Variants in NHSL1 observed in about 807,000 individuals in gnomAD.
The protein encoded by NHSL1 is NHS like 1.
NHSL1 carries 48 observed loss-of-function variants against 95.0 expected under a neutral mutation model. The observed-to-expected ratio is 0.51, with a 90% confidence interval of 0.40 to 0.64. The LOEUF (loss-of-function observed/expected upper bound fraction) is 0.64. NHSL1 is among the 30% of genes least tolerant of loss of function. NHSL1 has a pLI of 0.00. For missense variants in NHSL1, 1,971 were observed against 2,077.7 expected (o/e 0.95, Z 1.00); for synonymous variants, 783 against 833.9 (o/e 0.94, Z 1.05).
intron 1 of NHSL1, among the ~76,000 whole-genome samples, chr6:138,653,605 T>C (rs1402673869): frequency 6.6e-6 from 1 of 152,182 alleles, no homozygotes; most frequent in Non-Finnish European, 1.5e-5. Flanking sequence ...AGTATTGTTA[T>C]GATTGGCAAC....
intron 1 of NHSL1, among the ~76,000 whole-genome samples, chr6:138,538,139 G>A (rs901379849): frequency 2.6e-5 from 4 of 152,044 alleles, no homozygotes; most frequent in Non-Finnish European, 5.9e-5. Context: ...TAAAATACTG[G>A]GTATTCTGTT....
At chr6:138,518,436 G>A (rs1583344165) in intron 1 of NHSL1, among the ~76,000 whole-genome samples, 1 of 139,670 alleles carries the variant, frequency 7.2e-6, no homozygotes. Context: ...CATTATATAA[G>A]AAAAATAATA....
At chr6:138,645,689 G>T (rs1435142438) in intron 1 of NHSL1, among the ~76,000 whole-genome samples, 2 of 151,824 alleles carry the variant, frequency 1.3e-5, no homozygotes, top group East Asian at 3.9e-4. Context: ...TGTATTTTTA[G>T]TAGAGATGGG....
chr6:138,608,428 G>A (rs1583446720), intron 1 of NHSL1, among the ~76,000 whole-genome samples: 1 of 152,154 alleles, frequency 6.6e-6, no homozygotes, highest in East Asian at 1.9e-4. Context: ...CTATGTCCAA[G>A]TCAGTTGAAA....
chr6:138,560,044 G>T (rs762409363), intron 1 of NHSL1, among the ~76,000 whole-genome samples: 2 of 152,202 alleles, frequency 1.3e-5, no homozygotes, highest in Non-Finnish European at 2.9e-5. Context: ...TCCTGTAGGA[G>T]ATTATTTCCC....
At position 138,422,454 on chromosome 6, in the gene NHSL1, A is replaced by T. The variant is rs1226766976; in HGVS notation, c.*1627T>A. On this transcript the variant is annotated 3_prime_UTR_variant, in exon 8 of 8. Coordinates refer to ENST00000343505, the MANE Select transcript of NHSL1 (RefSeq NM_001144060.2). ...GTTTTAGTTTATAAGTCTCATAATGATTTGACCCATGCAGTCCAACTTTTA... is the reference window on the plus strand; with the variant it reads ...GTTTTAGTTTATAAGTCTCATAATGTTTTGACCCATGCAGTCCAACTTTTA... The T allele has an allele frequency of 2.6e-5, 4 of 152,220 alleles. No homozygotes were observed. The highest frequency in any genetic ancestry group is 2.6e-4 in the Admixed American group (4 of 15,288). The allele number at this position is 152,220 out of a possible 1,614,324, so 9.4% of individuals were successfully genotyped here.
chr6:138,688,574 C>G (rs1014358754), intron 1 of NHSL1, among the ~76,000 whole-genome samples: 1 of 152,046 alleles, frequency 6.6e-6, no homozygotes, highest in African/African-American at 2.4e-5. Flanking sequence ...ACCCGGGAGG[C>G]AGAGGTTGCA....
rs952701193 is a variant in NHSL1, at chr6:138,431,409, A to C, written c.2936T>G (p.Leu979Arg). 1.3e-6 allele frequency: 2 copies of C among 1,550,286 alleles called. No homozygotes were observed. The highest frequency in any genetic ancestry group is 2.7e-5 in the African/African-American group (2 of 72,906). ...ATCAGGTGGGGAGCAGAAAGGAATG[A>C]GAGCTTCTGGCGGCGGAGGGGGGAA... ...PVFPPPPPEA[L>R]IPFCSPPDWC... Residue 979 changes from leucine to arginine, a missense_variant, in exon 6 of 8, where the codon CTC becomes CGC. Transcript: ENST00000343505. The surrounding 1 kb of genome is among the most constrained non-coding windows in gnomAD (Gnocchi z 4.0).
In NHSL1 at chr6:138,489,827, AGAGAGAGAGAGAGAGAGGGAGAGAGG is replaced by A. The variant is rs1779933324; in HGVS notation, c.211+6366_211+6391del. On this transcript the variant is annotated intron_variant, in intron 2 of 7. Coordinates refer to ENST00000343505, the MANE Select transcript of NHSL1 (RefSeq NM_001144060.2). ...GAGAGAGGGAGAGAGGGAGAGAGGG[AGAGAGAGAGAGAGAGAGGGAGAGAGG>A]GAGAGAGAGAGAGAGAGAGGGAGAG... Among the ~76,000 whole-genome samples, 22 of 79,682 alleles carry A rather than the reference AGAGAGAGAGAGAGAGAGGGAGAGAGG, an allele frequency of 2.8e-4. 1 individual carries two copies. Among genetic ancestry groups the A allele is most frequent in the African/African-American group, 9.7e-4 (18 of 18,600 alleles). 52.3% of individuals were successfully genotyped at this position (79,682 alleles called of 152,430 possible).
At chr6:138,488,861 G>T (rs115226068) in intron 2 of NHSL1, among the ~76,000 whole-genome samples, 31 of 152,282 alleles carry the variant, frequency 2.0e-4, no homozygotes, top group African/African-American at 6.3e-4. Flanking sequence ...GCCAGCATGC[G>T]TGAGCACCAG....
chr6:138,651,303 A>C (rs1785090326), intron 1 of NHSL1, among the ~76,000 whole-genome samples: 1 of 152,224 alleles, frequency 6.6e-6, no homozygotes, highest in African/African-American at 2.4e-5. Flanking sequence ...AAAGAAACTC[A>C]CAAAATAAAT....
intron 1 of NHSL1, among the ~76,000 whole-genome samples, chr6:138,523,765 T>C (rs1287724327): frequency 4.6e-5 from 7 of 152,076 alleles, no homozygotes; most frequent in Non-Finnish European, 7.4e-5. Context: ...AGATGAGTCA[T>C]TTGGGATGTG....
Position 138,423,109 on chromosome 6 carries a change from A to AC in NHSL1, c.*971_*972insG, listed in dbSNP as rs1240558201. 2 of 151,696 alleles carry AC rather than the reference A, an allele frequency of 1.3e-5. No individual in the cohort carries two copies. The highest frequency in any genetic ancestry group is 2.9e-5 in the Non-Finnish European group (2 of 67,926). The allele number at this position is 151,696 out of a possible 1,614,324, so 9.4% of individuals were successfully genotyped here. ...AAACTCTGGTTAAAAAAAAAAAAAA[A>AC]AAAAAACTGTTGTAAAAGGAAAAGC... is the stretch of plus-strand genomic sequence containing the variant. On this transcript the variant is annotated 3_prime_UTR_variant, in exon 8 of 8. Coordinates refer to ENST00000343505, the MANE Select transcript of NHSL1 (RefSeq NM_001144060.2).
At chr6:138,676,251 A>G (rs1459312296) in intron 1 of NHSL1, among the ~76,000 whole-genome samples, 1 of 152,222 alleles carries the variant, frequency 6.6e-6, no homozygotes, top group Non-Finnish European at 1.5e-5. Flanking sequence ...AAAAACCTCA[A>G]AATAACCCAA....
chr6:138,575,567 T>C (rs1783957325), upstream of NHSL1, among the ~76,000 whole-genome samples: 1 of 151,862 alleles, frequency 6.6e-6, no homozygotes, highest in Non-Finnish European at 1.5e-5. Flanking sequence ...ATTTCTGTTA[T>C]ATTGGGCCTT....
intron 1 of NHSL1, among the ~76,000 whole-genome samples, chr6:138,607,939 C>T (rs4896377): frequency 0.34 from 52,397 of 151,992 alleles, 10,316 homozygotes; most frequent in East Asian, 0.78. Context: ...GGTCCTCCTA[C>T]GAGACACTGT....
intron 1 of NHSL1, among the ~76,000 whole-genome samples, chr6:138,635,649 G>A (rs1784877382): frequency 6.6e-6 from 1 of 152,202 alleles, no homozygotes; most frequent in African/African-American, 2.4e-5. Context: ...GAAAAATAGA[G>A]AATGAGGGAT....
intron 1 of NHSL1, among the ~76,000 whole-genome samples, chr6:138,561,722 T>C (rs2114299674): frequency 6.6e-6 from 1 of 152,228 alleles, no homozygotes; most frequent in South Asian, 2.1e-4. Context: ...ACTCAAACAC[T>C]AGAAATTAGC....
At chr6:138,593,686 T>C (rs1482477540) in intron 1 of NHSL1, among the ~76,000 whole-genome samples, 2 of 152,248 alleles carry the variant, frequency 1.3e-5, no homozygotes, top group African/African-American at 2.4e-5. Context: ...ATGCACATTA[T>C]ATTTCATGGG....
Sources: allele counts gnomAD v4.1 joint callset (sites outside exome capture counted in the v4.1 genomes callset), GRCh38; gene constraint gnomAD v4.1.1; non-coding constraint Gnocchi (gnomAD v3.1); transcripts MANE v1.5; gene names NCBI Gene and HGNC (gene_info 2026-07-23, HGNC 2026-07-21).